The following KMT2C variants were observed in gnomAD, a reference collection of about 807,000 sequenced individuals.
KMT2C encodes lysine methyltransferase 2C, also known as histone-lysine N-methyltransferase 2C.
Under a neutral mutation model 507.9 loss-of-function variants are expected in KMT2C, and 88 were observed. The ratio of observed to expected loss-of-function variants is 0.17; its 90% CI spans 0.15 to 0.21. KMT2C has a LOEUF of 0.21. Among genes scored for constraint, KMT2C ranks in the 10% least tolerant of loss-of-function variants. KMT2C has a pLI of 1.00. For missense variants in KMT2C, 4,954 were observed against 5,957.8 expected (o/e 0.83, Z 5.55); for synonymous variants, 2,049 against 2,080.8 (o/e 0.98, Z 0.42).
In KMT2C at chr7:152,144,047, C is replaced by T. The variant is rs1050620383; in HGVS notation, c.14343+666G>A. On this transcript the variant is annotated intron_variant, in intron 55 of 58. Transcript: ENST00000262189. This position sits in a 1 kb window ranked among gnomAD's most constrained non-coding sequence, Gnocchi z 4.4. ...TAGGTTTAATCTGGCAGTACTGAGG[C>T]CAATGTACACAAACGGTAACATCAC... Among the ~76,000 whole-genome samples, 1 of 152,070 alleles carries T rather than the reference C, an allele frequency of 6.6e-6. No individual in the cohort carries two copies. Among genetic ancestry groups the T allele is most frequent in the Admixed American group, 6.6e-5 (1 of 15,266 alleles).
rs775669645 is a variant in KMT2C at position 152,178,025 on chromosome 7, A to AG, written c.7443-16_7443-15insC. Reference sequence around the variant, plus strand: ...GAAATCCAAATCTTTTAAAAAAAAAAAAAAAAAAAAAAAAAAAGCAAATAG... The same window carrying AG: ...GAAATCCAAATCTTTTAAAAAAAAAAGAAAAAAAAAAAAAAAAAGCAAATAG... On this transcript the variant is annotated splice_polypyrimidine_tract_variant and intron_variant, in intron 37 of 58. Transcript: ENST00000262189. 2 of 1,378,818 alleles carry AG rather than the reference A, an allele frequency of 1.5e-6. No homozygotes were observed. The highest frequency in any genetic ancestry group is 1.9e-6 in the Non-Finnish European group (2 of 1,078,920). 85.4% of individuals were successfully genotyped at this position (1,378,818 alleles called of 1,614,324 possible). A position where few individuals can be genotyped will look rare whatever the true frequency, so the allele number is the denominator to read the frequency against.
At chr7:152,408,686 AAG>A (rs1485061057) in intron 1 of KMT2C, among the ~76,000 whole-genome samples, 1 of 152,146 alleles carries the variant, frequency 6.6e-6, no homozygotes, top group African/African-American at 2.4e-5. Flanking sequence ...TCTAAGGTGG[AAG>A]AGTTTCACCC....
At position 152,177,444 on chromosome 7, in the gene KMT2C, G is replaced by A. The variant is rs2129114821; in HGVS notation, c.8009C>T (p.Thr2670Ile). The change falls in exon 38 of 59, where the codon ACA (threonine) becomes ATA (isoleucine). Residue 2670 changes from threonine (T) to isoleucine (I), a missense_variant. Transcript: ENST00000262189. The stretch of plus-strand genomic sequence containing the variant: ...GGTTATCTGTAAATTATCAGACGTT[G>A]TTTCAGACGGTACAGATGTTGACAA... ...APLSTSVPSE[T>I]TSDNLQITTQ... is the part of the protein sequence containing the mutation. 3 of 1,614,146 alleles carry A rather than the reference G, an allele frequency of 1.9e-6. No homozygotes were observed. The highest frequency in any genetic ancestry group is 2.2e-5 in the South Asian group (2 of 91,078).
In KMT2C at chr7:152,167,187, C is replaced by T. The variant is rs1232063647; in HGVS notation, c.9709G>A (p.Val3237Ile). 3 of 1,614,038 alleles carry T rather than the reference C, an allele frequency of 1.9e-6. No homozygotes were observed. The highest frequency in any genetic ancestry group is 2.5e-6 in the Non-Finnish European group (3 of 1,180,028). The change falls in exon 42 of 59, where the codon GTT (valine) becomes ATT (isoleucine). Residue 3237 changes from valine (V) to isoleucine (I), a missense_variant. Physicochemically the swap from Val to Ile is conservative, Grantham distance 29. Coordinates refer to ENST00000262189, the MANE Select transcript of KMT2C (RefSeq NM_170606.3). ...PEEDAEQLKH[V>I]TEQQSMVQKQ... is the part of the protein sequence containing the mutation. Reference sequence around the variant, plus strand: ...TGAACCATGCTTTGCTGTTCAGTAACATGCTTGAGTTGTTCTGCATCTTCC... The same window carrying T: ...TGAACCATGCTTTGCTGTTCAGTAATATGCTTGAGTTGTTCTGCATCTTCC...
At chr7:152,149,776 G>C (rs769375657) in intron 51 of KMT2C, among the ~76,000 whole-genome samples, 5 of 152,112 alleles carry the variant, frequency 3.3e-5, no homozygotes, top group Non-Finnish European at 7.4e-5. Context: ...TTTACTTTAT[G>C]GTACAGAGTA....
chr7:152,332,079 AC>A (rs2096889929), intron 2 of KMT2C, among the ~76,000 whole-genome samples: 1 of 152,172 alleles, frequency 6.6e-6, no homozygotes, highest in Non-Finnish European at 1.5e-5. Context: ...CTTAATTATT[AC>A]CCATTCTAAA....
intron 6 of KMT2C, among the ~76,000 whole-genome samples, chr7:152,278,647 G>T (rs1406967213): frequency 6.6e-6 from 1 of 151,906 alleles, no homozygotes; most frequent in Admixed American, 6.6e-5. Flanking sequence ...ACAGACTTGA[G>T]GGGAAAAAAC....
At chr7:152,279,876 G>A (rs1291994610) in intron 6 of KMT2C, among the ~76,000 whole-genome samples, 2 of 152,170 alleles carry the variant, frequency 1.3e-5, no homozygotes, top group Admixed American at 1.3e-4. Flanking sequence ...ATGTGTGGTA[G>A]GCAGTATTCT....
At chr7:152,362,677 T>C (rs2097206476) in intron 1 of KMT2C, among the ~76,000 whole-genome samples, 2 of 152,206 alleles carry the variant, frequency 1.3e-5, no homozygotes, top group South Asian at 2.1e-4. Flanking sequence ...CTTTGAGTTT[T>C]TTCTCCACTA....
intron 23 of KMT2C, among the ~76,000 whole-genome samples, chr7:152,218,840 C>T (rs1054330445): frequency 6.6e-6 from 1 of 152,206 alleles, no homozygotes. Flanking sequence ...GCCTTTACAT[C>T]GGCTTCCTCA....
intron 23 of KMT2C, among the ~76,000 whole-genome samples, chr7:152,216,625 C>T (rs2094590053): frequency 6.6e-6 from 1 of 152,052 alleles, no homozygotes; most frequent in Non-Finnish European, 1.5e-5. Flanking sequence ...CAGAGGAAAA[C>T]GTTTATATAC....
intron 52 of KMT2C, among the ~76,000 whole-genome samples, chr7:152,147,577 C>T (rs573729115): frequency 2.3e-4 from 35 of 151,828 alleles, no homozygotes; most frequent in Non-Finnish European, 4.7e-4. Context: ...CATGGTAGCG[C>T]AAGCCTGTAA....
chr7:152,381,533 C>T (rs1029132831), intron 1 of KMT2C, among the ~76,000 whole-genome samples: 2 of 152,146 alleles, frequency 1.3e-5, no homozygotes, highest in African/African-American at 4.8e-5. Context: ...ATTCCCTCTT[C>T]CATAGTAATT....
chr7:152,151,413 G>A, intron 50 of KMT2C, 29 bp downstream of exon 50: 1 of 1,611,818 alleles, frequency 6.2e-7, no homozygotes, highest in African/African-American at 1.3e-5. Flanking sequence ...GAGGTAGGAG[G>A]TGGGGTCATA....
At chr7:152,139,065 C>A in intron 57 of KMT2C, 121 bp downstream of exon 57, 1 of 1,044,268 alleles carries the variant, frequency 9.6e-7, no homozygotes. Flanking sequence ...AACTCATTTG[C>A]TCTGAATGTT....
intron 55 of KMT2C, among the ~76,000 whole-genome samples, chr7:152,141,747 G>A (rs1030008737): frequency 6.6e-5 from 10 of 150,842 alleles, no homozygotes; most frequent in South Asian, 2.1e-4. Context: ...TGCCAGCCAC[G>A]GGGGCTCATG....
intron 25 of KMT2C, among the ~76,000 whole-genome samples, chr7:152,204,131 A>C (rs940627636): frequency 3.5e-5 from 5 of 142,074 alleles, no homozygotes; most frequent in African/African-American, 1.0e-4. Flanking sequence ...CACCAATAGC[A>C]AAAAAAAAAA....
At chr7:152,323,669 A>C (rs551910228) in intron 3 of KMT2C, among the ~76,000 whole-genome samples, 1 of 148,794 alleles carries the variant, frequency 6.7e-6, no homozygotes, top group Non-Finnish European at 1.5e-5. Flanking sequence ...AAAGAGAAAG[A>C]AAGGAAGGAA....
At chr7:152,393,688 C>A (rs1031931449) in intron 1 of KMT2C, among the ~76,000 whole-genome samples, 9 of 152,100 alleles carry the variant, frequency 5.9e-5, no homozygotes, top group African/African-American at 2.2e-4. Context: ...CTGAAGCAGG[C>A]AGATCACCTG....
Sources: gnomAD v4.1 joint callset for allele counts (sites outside exome capture counted in the v4.1 genomes callset) on GRCh38, gnomAD v4.1.1 for gene constraint, Gnocchi (gnomAD v3.1) non-coding constraint, MANE v1.5 for transcripts, NCBI Gene and HGNC (gene_info 2026-07-23, HGNC 2026-07-21) for gene names.